Variants in PDE3A observed in about 807,000 individuals in gnomAD.
The protein encoded by PDE3A is phosphodiesterase 3A, also known as cGMP-inhibited 3',5'-cyclic phosphodiesterase 3A.
A neutral mutation model predicts 98.3 loss-of-function variants in PDE3A; 43 were observed. The observed-to-expected ratio is 0.44, with a 90% CI of 0.34 to 0.56. The LOEUF is 0.56. Among genes scored for constraint, PDE3A ranks in the 20% least tolerant of loss-of-function variants. The pLI is 0.01. For synonymous variants in PDE3A, 663 were observed against 567.9 expected, an observed-to-expected ratio of 1.17 and a Z score of -2.38; for missense variants, 1,427 against 1,440.7, an observed-to-expected ratio of 0.99 and a Z score of 0.15.
intron 1 of PDE3A, among the ~76,000 whole-genome samples, chr12:20,522,392 A>G (rs1946446273): frequency 2.6e-5 from 4 of 152,190 alleles, no homozygotes; most frequent in Non-Finnish European, 4.4e-5. Context: ...GGGTTCAGCA[A>G]TTTGTCTTTT....
At chr12:20,572,588 T>C (rs1942825546) in intron 2 of PDE3A, among the ~76,000 whole-genome samples, 1 of 152,082 alleles carries the variant, frequency 6.6e-6, no homozygotes, top group East Asian at 1.9e-4. Flanking sequence ...CCTTCTGCAT[T>C]TTTTCCTATT....
At chr12:20,499,555 A>G (rs1945983639) in intron 1 of PDE3A, among the ~76,000 whole-genome samples, 1 of 152,210 alleles carries the variant, frequency 6.6e-6, no homozygotes, top group South Asian at 2.1e-4. Context: ...AAAAACAAAC[A>G]TTTTAAACAA....
chr12:20,606,937 C>CTTG (rs142336240), intron 2 of PDE3A, among the ~76,000 whole-genome samples: 3 of 151,136 alleles, frequency 2.0e-5, no homozygotes, highest in African/African-American at 7.3e-5. Flanking sequence ...ATTGATTATA[C>CTTG]TTGTTGTATT....
chr12:20,447,990 G>C (rs1247564738), intron 1 of PDE3A, among the ~76,000 whole-genome samples: 1 of 152,158 alleles, frequency 6.6e-6, no homozygotes, highest in African/African-American at 2.4e-5. Flanking sequence ...TGATGTGTGA[G>C]AGTAGGAGAA....
chr12:20,484,768 G>C (rs1259722787), intron 1 of PDE3A, among the ~76,000 whole-genome samples: 1 of 152,136 alleles, frequency 6.6e-6, no homozygotes, highest in Non-Finnish European at 1.5e-5. Flanking sequence ...CTGATGTTAA[G>C]GGAACATAAC....
At position 20,635,102 on chromosome 12, in the gene PDE3A, T is replaced by C. The variant is rs534212962; in HGVS notation, c.2001+46T>C. On this transcript the variant is annotated intron_variant, in intron 8 of 15. Transcript: ENST00000359062. ...TCACTCATTTACTTGAGAGATGAGCTTCTGTTACAGATATTGGCTCAGAAA... is the reference window on the plus strand; with the variant it reads ...TCACTCATTTACTTGAGAGATGAGCCTCTGTTACAGATATTGGCTCAGAAA... The C allele has an allele frequency of 1.5e-4, 226 of 1,522,884 alleles. 4 individuals carry two copies. In the South Asian group the frequency reaches 2.5e-3, roughly 17 times the overall value. 94.3% of individuals were successfully genotyped at this position (1,522,884 alleles called of 1,614,324 possible).
chr12:20,494,038 A>G (rs182061298), intron 1 of PDE3A, among the ~76,000 whole-genome samples: 29 of 152,338 alleles, frequency 1.9e-4, no homozygotes, highest in Admixed American at 8.5e-4. Context: ...GTATTTTACC[A>G]TTATGCACAA....
intron 15 of PDE3A, among the ~76,000 whole-genome samples, chr12:20,657,445 C>T (rs765884413): frequency 4.7e-4 from 71 of 152,120 alleles, no homozygotes; most frequent in Non-Finnish European, 1.0e-3. Flanking sequence ...CAGATAACTT[C>T]TGTAGTTTGT....
intron 1 of PDE3A, among the ~76,000 whole-genome samples, chr12:20,433,425 G>T (rs892876889): frequency 6.6e-6 from 1 of 152,126 alleles, no homozygotes; most frequent in Non-Finnish European, 1.5e-5. Flanking sequence ...TGGCACACAG[G>T]CTTGGAAATT....
intron 1 of PDE3A, among the ~76,000 whole-genome samples, chr12:20,466,868 T>A (rs1945348448): frequency 6.6e-6 from 1 of 152,200 alleles, no homozygotes; most frequent in Non-Finnish European, 1.5e-5. Context: ...CAATTTTTTG[T>A]TTGAAAGATA....
intron 1 of PDE3A, among the ~76,000 whole-genome samples, chr12:20,517,888 T>C (rs1044765413): frequency 6.6e-6 from 1 of 152,150 alleles, no homozygotes; most frequent in African/African-American, 2.4e-5. Flanking sequence ...TTAATAAGCC[T>C]GGGATCCTGA....
intron 8 of PDE3A, among the ~76,000 whole-genome samples, chr12:20,635,778 A>G (rs982359617): frequency 4.7e-5 from 7 of 149,942 alleles, no homozygotes; most frequent in African/African-American, 1.7e-4. Context: ...AAAAGAAATT[A>G]ATCTCTGAAA....
chr12:20,568,838 T>A (rs1335469231), intron 2 of PDE3A, among the ~76,000 whole-genome samples: 1 of 151,970 alleles, frequency 6.6e-6, no homozygotes, highest in Admixed American at 6.6e-5. Flanking sequence ...AGAATATGGA[T>A]AAAGAAGTAG....
At chr12:20,373,720 A>G (rs10841498) in intron 1 of PDE3A, among the ~76,000 whole-genome samples, 72,148 of 151,962 alleles carry the variant, frequency 0.47, 18,934 homozygotes, top group East Asian at 0.65. Context: ...CTTAATGACA[A>G]CATTTTTTTG....
intron 2 of PDE3A, among the ~76,000 whole-genome samples, chr12:20,588,939 T>C (rs993616294): frequency 2.6e-5 from 4 of 152,196 alleles, no homozygotes; most frequent in Non-Finnish European, 5.9e-5. Flanking sequence ...TTGTTTGTTT[T>C]TGAGACGGGG....
At chr12:20,497,873 T>A (rs1945948376) in intron 1 of PDE3A, among the ~76,000 whole-genome samples, 1 of 152,134 alleles carries the variant, frequency 6.6e-6, no homozygotes, top group African/African-American at 2.4e-5. Context: ...TGTGTTAGTA[T>A]ACTTTATGTT....
intron 1 of PDE3A, among the ~76,000 whole-genome samples, chr12:20,481,798 C>T (rs113976189): frequency 0.24 from 24,490 of 101,166 alleles, 2,512 homozygotes; most frequent in Admixed American, 0.38. Flanking sequence ...AGCAGAGTCT[C>T]TTGTCACCCA....
intron 1 of PDE3A, among the ~76,000 whole-genome samples, chr12:20,399,850 C>A (rs1276581339): frequency 6.6e-6 from 1 of 152,094 alleles, no homozygotes; most frequent in Non-Finnish European, 1.5e-5. Flanking sequence ...TATGACAAGG[C>A]TTTTACAAAC....
chr12:20,424,063 T>C (rs1187756480), intron 1 of PDE3A, among the ~76,000 whole-genome samples: 1 of 152,076 alleles, frequency 6.6e-6, no homozygotes, highest in Non-Finnish European at 1.5e-5. Flanking sequence ...AGGTAGAAAG[T>C]AGTGGATTTT....
Sources: allele counts gnomAD v4.1 joint callset (sites outside exome capture counted in the v4.1 genomes callset), GRCh38; gene constraint gnomAD v4.1.1; transcripts MANE v1.5; gene names NCBI Gene and HGNC (gene_info 2026-07-23, HGNC 2026-07-21).